Variants in NOS1AP observed in about 807,000 individuals in gnomAD.
NOS1AP encodes nitric oxide synthase 1 adaptor protein.
Under a neutral mutation model 56.2 loss-of-function variants are expected in NOS1AP, and 21 were observed. The ratio of observed to expected loss-of-function variants is 0.37; its 90% CI spans 0.26 to 0.54. The LOEUF is 0.54. Among genes scored for constraint, NOS1AP ranks in the 20% least tolerant of loss-of-function variants. The probability of loss-of-function intolerance (pLI) is 0.84; values close to 1 mark genes in which losing one functional copy is unlikely to be tolerated. For synonymous variants in NOS1AP, 270 were observed against 274.6 expected (o/e 0.98, Z 0.17); for missense variants, 522 against 657.8 (o/e 0.79, Z 2.26).
chr1:162,312,635 GT>G (rs1341407248), intron 4 of NOS1AP, among the ~76,000 whole-genome samples: 1 of 149,612 alleles, frequency 6.7e-6, no homozygotes, highest in Admixed American at 6.7e-5. Flanking sequence ...TGCTTTTGGT[GT>G]TTTAGACATG....
intron 1 of NOS1AP, among the ~76,000 whole-genome samples, chr1:162,081,774 A>ATTTTTTT (rs59767273): frequency 2.0e-4 from 9 of 44,052 alleles, no homozygotes; most frequent in African/African-American, 5.4e-4. Flanking sequence ...ATATATATAT[A>ATTTTTTT]TTTTTTTTTT....
At chr1:162,331,208 C>G (rs1206421320) in intron 4 of NOS1AP, among the ~76,000 whole-genome samples, 1 of 152,138 alleles carries the variant, frequency 6.6e-6, no homozygotes, top group African/African-American at 2.4e-5. Flanking sequence ...TAAACAGCCT[C>G]TATTTCAGAA....
chr1:162,224,862 C>T (rs1652891237), intron 2 of NOS1AP, among the ~76,000 whole-genome samples: 1 of 152,180 alleles, frequency 6.6e-6, no homozygotes, highest in African/African-American at 2.4e-5. Flanking sequence ...AGGGTCACTG[C>T]CTTATCAGAG....
At chr1:162,152,472 G>A (rs933153796) in intron 1 of NOS1AP, among the ~76,000 whole-genome samples, 1 of 152,242 alleles carries the variant, frequency 6.6e-6, no homozygotes, top group African/African-American at 2.4e-5. Context: ...TGGGCCTTAC[G>A]TCATCCCTAG....
At chr1:162,327,948 A>G (rs1309020586) in intron 4 of NOS1AP, among the ~76,000 whole-genome samples, 1 of 152,226 alleles carries the variant, frequency 6.6e-6, no homozygotes, top group African/African-American at 2.4e-5. Flanking sequence ...GTGTGTTTTA[A>G]TGCTTAAAAC....
intron 2 of NOS1AP, among the ~76,000 whole-genome samples, chr1:162,281,621 G>A (rs943096503): frequency 6.6e-6 from 1 of 152,154 alleles, no homozygotes; most frequent in Non-Finnish European, 1.5e-5. Context: ...GGTGTGGGGA[G>A]GGCATTTTAG....
chr1:162,117,007 T>C (rs1207790303), intron 1 of NOS1AP, among the ~76,000 whole-genome samples: 1 of 152,218 alleles, frequency 6.6e-6, no homozygotes, highest in African/African-American at 2.4e-5. Context: ...CAAAATCAAA[T>C]TCATTTCATT....
At chr1:162,278,761 T>C (rs968300621) in intron 2 of NOS1AP, among the ~76,000 whole-genome samples, 1 of 151,790 alleles carries the variant, frequency 6.6e-6, no homozygotes, top group African/African-American at 2.4e-5. Context: ...CCCACTCCTC[T>C]GCAAGACTAT....
At chr1:162,096,471 T>G (rs1449705435) in intron 1 of NOS1AP, among the ~76,000 whole-genome samples, 1 of 152,184 alleles carries the variant, frequency 6.6e-6, no homozygotes, top group Non-Finnish European at 1.5e-5. Context: ...AAAGATCATG[T>G]AGGTATCCGC....
chr1:162,364,657 A>G, intron 8 of NOS1AP: 1 of 985,556 alleles, frequency 1.0e-6, no homozygotes, highest in Non-Finnish European at 1.2e-6. Context: ...GGCTGGTTGG[A>G]GGAGGCCCTC....
chr1:162,229,904 T>A (rs1013229170), intron 2 of NOS1AP, among the ~76,000 whole-genome samples: 1 of 152,008 alleles, frequency 6.6e-6, no homozygotes, highest in African/African-American at 2.4e-5. Context: ...TTCAGCAACT[T>A]TTTTCATTAC....
At chr1:162,193,189 A>G (rs182695201) in intron 2 of NOS1AP, among the ~76,000 whole-genome samples, 1 of 152,170 alleles carries the variant, frequency 6.6e-6, no homozygotes, top group Non-Finnish European at 1.5e-5. Flanking sequence ...AAGTGGCTGG[A>G]AAGGAGCTAA....
intron 1 of NOS1AP, among the ~76,000 whole-genome samples, chr1:162,116,953 A>G (rs1647984829): frequency 6.6e-6 from 1 of 152,108 alleles, no homozygotes; most frequent in South Asian, 2.1e-4. Flanking sequence ...CATATATTTC[A>G]TCTGTTTTGG....
At chr1:162,307,860 T>C (rs1655890732) in intron 4 of NOS1AP, among the ~76,000 whole-genome samples, 1 of 152,120 alleles carries the variant, frequency 6.6e-6, no homozygotes, top group Admixed American at 6.5e-5. Flanking sequence ...AACTTTGGCT[T>C]TCTACATTGA....
chr1:162,206,688 A>G (rs984926783), intron 2 of NOS1AP, among the ~76,000 whole-genome samples: 4 of 152,220 alleles, frequency 2.6e-5, no homozygotes, highest in African/African-American at 9.6e-5. Flanking sequence ...TTAAGTAGGA[A>G]AGGAGAGTGA....
intron 2 of NOS1AP, among the ~76,000 whole-genome samples, chr1:162,239,009 A>G (rs946583274): frequency 6.6e-6 from 1 of 152,266 alleles, no homozygotes; most frequent in Non-Finnish European, 1.5e-5. Context: ...AAAGACCTCC[A>G]ATCTACATTA....
chr1:162,316,116 A>G (rs1373461491), intron 4 of NOS1AP, among the ~76,000 whole-genome samples: 1 of 152,208 alleles, frequency 6.6e-6, no homozygotes, highest in African/African-American at 2.4e-5. Context: ...TGAATGAACG[A>G]ACGAATGAAT....
chr1:162,333,165 A>G, intron 5 of NOS1AP, 40 bp downstream of exon 5: 2 of 1,407,404 alleles, frequency 1.4e-6, no homozygotes, highest in Non-Finnish European at 2.0e-6. Flanking sequence ...TTTTCCTCTA[A>G]TGGTTCCAAA....
chr1:162,195,710 T>A (rs1051558497), intron 2 of NOS1AP, among the ~76,000 whole-genome samples: 2 of 152,238 alleles, frequency 1.3e-5, no homozygotes, highest in Non-Finnish European at 2.9e-5. Context: ...TGTTACTATT[T>A]GACATCCTTT....
Sources: gnomAD v4.1 joint callset for allele counts (sites outside exome capture counted in the v4.1 genomes callset) on GRCh38, gnomAD v4.1.1 for gene constraint, MANE v1.5 for transcripts, NCBI Gene and HGNC (gene_info 2026-07-23, HGNC 2026-07-21) for gene names.